Variants in HYDIN observed in about 807,000 individuals in gnomAD.
The protein encoded by HYDIN is axonemal central pair apparatus protein HYDIN.
A neutral mutation model predicts 403.9 loss-of-function variants in HYDIN; 132 were observed. The observed-to-expected ratio is 0.33, with a 90% CI of 0.28 to 0.38. The LOEUF (loss-of-function observed/expected upper bound fraction) is 0.38, where lower values mean the gene tolerates loss of function less well. Among genes scored for constraint, HYDIN ranks in the 10% least tolerant of loss-of-function variants. The pLI is 1.00. For synonymous variants in HYDIN, 1,202 were observed against 1,891.7 expected, an observed-to-expected ratio of 0.64 and a Z score of 9.46; for missense variants, 2,827 against 5,009.5, an observed-to-expected ratio of 0.56 and a Z score of 13.15.
chr16:70,960,976 C>T (rs2078400181), intron 38 of HYDIN, among the ~76,000 whole-genome samples: 1 of 152,266 alleles, frequency 6.6e-6, no homozygotes, highest in Non-Finnish European at 1.5e-5. Flanking sequence ...CAGGCGTGAG[C>T]CACCTTGCCC....
intron 1 of HYDIN, among the ~76,000 whole-genome samples, chr16:71,223,304 C>T (rs2040882160): frequency 6.6e-6 from 1 of 152,094 alleles, no homozygotes; most frequent in Admixed American, 6.5e-5. Flanking sequence ...CCATTTCTTA[C>T]CTTATAAAAA....
intron 15 of HYDIN, 44 bp downstream of exon 15, chr16:71,067,246 G>A: frequency 8.1e-7 from 1 of 1,234,676 alleles, no homozygotes; most frequent in Non-Finnish European, 1.2e-6. Context: ...CATTACTGGA[G>A]GCTCGGGGGC....
intron 10 of HYDIN, among the ~76,000 whole-genome samples, chr16:71,100,058 T>C (rs1394408770): frequency 6.6e-6 from 1 of 151,960 alleles, no homozygotes; most frequent in Non-Finnish European, 1.5e-5. Flanking sequence ...TTAGCAAACA[T>C]TTACGAAGGT....
intron 19 of HYDIN, among the ~76,000 whole-genome samples, chr16:71,028,915 A>C (rs1475185336): frequency 6.6e-6 from 1 of 150,578 alleles, no homozygotes; most frequent in Non-Finnish European, 1.5e-5. Context: ...CTGTTTATAA[A>C]AAACACATAC....
Position 70,938,675 on chromosome 16 carries a change from C to T in HYDIN, c.6934G>A (p.Glu2312Lys), listed in dbSNP as rs377154564. The change falls in exon 44 of 86, where the codon GAG becomes AAG. Residue 2312 changes from glutamate to lysine, a missense_variant. Physicochemically the swap from Glu to Lys is moderately conservative, Grantham distance 56 (BLOSUM62 1). Transcript: ENST00000393567. Reference sequence around the variant, plus strand: ...CGATCGAATGTGAGTTTCTCCTCCTCAGTCAGGGCATCATATTCTTCCTCA... The same window carrying T: ...CGATCGAATGTGAGTTTCTCCTCCTTAGTCAGGGCATCATATTCTTCCTCA... Reference protein sequence around the residue: ...MDEEEYDALTEEEKLTFDRGI... With the variant: ...MDEEEYDALTKEEKLTFDRGI... 2.2e-5 allele frequency: 35 copies of T among 1,612,354 alleles called. No homozygotes were observed. In the African/African-American group the frequency reaches 4.3e-4, roughly 20 times the overall value.
chr16:70,902,819 A>T (rs1399437676), intron 52 of HYDIN, among the ~76,000 whole-genome samples: 22 of 17,202 alleles, frequency 1.3e-3, no homozygotes, highest in African/African-American at 4.0e-3. Flanking sequence ...ATATATATAT[A>T]TATTTTTTTT....
intron 1 of HYDIN, among the ~76,000 whole-genome samples, chr16:71,196,484 C>A (rs2087703288): frequency 6.6e-6 from 1 of 152,208 alleles, no homozygotes; most frequent in Admixed American, 6.5e-5. Context: ...GGAATCTACA[C>A]CATTGGCTCT....
Position 70,872,030 on chromosome 16 carries a change from T to A in HYDIN, c.11091+7A>T, listed in dbSNP as rs1428429704. The A allele has an allele frequency of 8.7e-6, 14 of 1,607,342 alleles. No homozygotes were observed. The highest frequency in any genetic ancestry group is 1.1e-5 in the Non-Finnish European group (13 of 1,176,724). On this transcript the variant is annotated splice_region_variant and intron_variant, in intron 65 of 85. Transcript: ENST00000393567. ...ATTCCAAAAAATGATGAATGACTTT[T>A]ATTTACCTGTGGGGAGAAAGCAATT...
intron 44 of HYDIN, 141 bp downstream of exon 44, chr16:70,938,473 C>T: frequency 1.4e-6 from 1 of 730,348 alleles, no homozygotes; most frequent in Non-Finnish European, 2.3e-6. Flanking sequence ...CTTTCTGCTC[C>T]TTGCAGGTCA....
chr16:70,936,867 T>C (rs1445285020), intron 44 of HYDIN, among the ~76,000 whole-genome samples: 2 of 151,444 alleles, frequency 1.3e-5, no homozygotes, highest in African/African-American at 4.8e-5. Flanking sequence ...CTATGGTGGC[T>C]AGCTCAGAGC....
rs2039461008 is a variant in HYDIN at position 70,862,221 on chromosome 16, C to T, written c.11604G>A (p.Thr3868=). 6 of 1,613,326 alleles carry T rather than the reference C, an allele frequency of 3.7e-6. No homozygotes were observed. The highest frequency in any genetic ancestry group is 2.2e-5 in the East Asian group (1 of 44,870). The part of the protein sequence containing the change: ...SAQKDQLSQG[T]MHTGSTLDST... ...TGTCCAGGGTGCTGCCTGTATGCAT[C>T]GTGCCCTGACTAAGCTGATCTTTTT... The change falls in exon 69 of 86, where the codon ACG becomes ACA. Residue 3868 remains threonine, a synonymous_variant. Coordinates refer to ENST00000393567, the MANE Select transcript of HYDIN (RefSeq NM_001270974.2).
At chr16:71,089,643 T>G (rs1201345608) in intron 11 of HYDIN, among the ~76,000 whole-genome samples, 1 of 152,092 alleles carries the variant, frequency 6.6e-6, no homozygotes, top group Non-Finnish European at 1.5e-5. Context: ...TAGAGATTAT[T>G]GTCATCCCTG....
intron 18 of HYDIN, among the ~76,000 whole-genome samples, chr16:71,043,291 C>T (rs1391566689): frequency 6.7e-6 from 1 of 149,904 alleles, no homozygotes; most frequent in Non-Finnish European, 1.5e-5. Context: ...TTCCATCCAC[C>T]GTGCAGCATA....
chr16:70,961,767 A>G (rs1338744765), intron 38 of HYDIN, among the ~76,000 whole-genome samples, 192 bp downstream of exon 38: 12 of 152,106 alleles, frequency 7.9e-5, no homozygotes, highest in Admixed American at 5.9e-4. Context: ...TAAGCTCATC[A>G]CCCAACTCTC....
At chr16:71,065,757 G>C (rs1597691777) in intron 15 of HYDIN, among the ~76,000 whole-genome samples, 1 of 152,190 alleles carries the variant, frequency 6.6e-6, no homozygotes, top group South Asian at 2.1e-4. Flanking sequence ...CCAGCACCAG[G>C]TAAGTGCCCA....
At chr16:71,152,328 T>C (rs537334565) in intron 7 of HYDIN, among the ~76,000 whole-genome samples, 1 of 152,206 alleles carries the variant, frequency 6.6e-6, no homozygotes, top group Non-Finnish European at 1.5e-5. Flanking sequence ...CTGACCTTTT[T>C]AAATTTTTTA....
At chr16:70,844,780 C>T (rs1325443097) in intron 75 of HYDIN, among the ~76,000 whole-genome samples, 1 of 144,806 alleles carries the variant, frequency 6.9e-6, no homozygotes, top group Non-Finnish European at 1.5e-5. Flanking sequence ...AGTTGGATTC[C>T]TAGGTATTTT....
Position 70,846,389 on chromosome 16 carries a change from G to A in HYDIN, c.12873+3337C>T, listed in dbSNP as rs1488353989. The stretch of plus-strand genomic sequence containing the variant: ...CTTAATCCTGAGTTCTAGTTTGATT[G>A]CACTGTGGTCTAAGAAATAGTTTGT... On this transcript the variant is annotated intron_variant, in intron 75 of 85. Coordinates refer to ENST00000393567, the MANE Select transcript of HYDIN (RefSeq NM_001270974.2). 3.3e-5 allele frequency among the ~76,000 whole-genome samples: 5 copies of A among 151,768 alleles called. 1 individual carries two copies. Among genetic ancestry groups the A allele is most frequent in the African/African-American group, 1.2e-4 (5 of 41,472 alleles).
chr16:71,214,042 A>T (rs1567461173), intron 1 of HYDIN, among the ~76,000 whole-genome samples: 1 of 152,152 alleles, frequency 6.6e-6, no homozygotes, highest in East Asian at 1.9e-4. Context: ...CAAAAAGCTG[A>T]CATAAATTAT....
Sources: allele counts gnomAD v4.1 joint callset (sites outside exome capture counted in the v4.1 genomes callset), GRCh38; gene constraint gnomAD v4.1.1; transcripts MANE v1.5; gene names NCBI Gene and HGNC (gene_info 2026-07-23, HGNC 2026-07-21).